The following ATP10B variants were observed in gnomAD, a reference collection of about 807,000 sequenced individuals.
ATP10B encodes phospholipid-transporting ATPase VB.
Under a neutral mutation model 141.2 loss-of-function variants are expected in ATP10B, and 122 were observed. The observed-to-expected ratio is 0.86, with a 90% CI of 0.75 to 1.00. ATP10B has a LOEUF of 1.00. ATP10B is among the 50% of genes least tolerant of loss of function. The pLI is 0.00. For missense variants in ATP10B, 1,876 were observed against 1,825.3 expected (o/e 1.03, Z -0.51); for synonymous variants, 685 against 692.0 (o/e 0.99, Z 0.16).
chr5:160,850,628 T>C (rs187288403), intron 1 of ATP10B, among the ~76,000 whole-genome samples: 11 of 152,278 alleles, frequency 7.2e-5, no homozygotes, highest in Admixed American at 7.2e-4. Context: ...ACTGGACTTA[T>C]CAGTATCACA....
intron 1 of ATP10B, among the ~76,000 whole-genome samples, chr5:160,789,219 G>A (rs1291414770): frequency 1.3e-5 from 2 of 152,146 alleles, no homozygotes; most frequent in African/African-American, 4.8e-5. Flanking sequence ...CCCTTTAGCA[G>A]TAGAAGTGGG....
At chr5:160,598,160 G>A (rs1756846856) in intron 22 of ATP10B, among the ~76,000 whole-genome samples, 1 of 151,262 alleles carries the variant, frequency 6.6e-6, no homozygotes, top group Non-Finnish European at 1.5e-5. Flanking sequence ...ATGATAGACT[G>A]GATTAAGAAA....
chr5:160,912,741 A>G, the ATP10B span, among the ~76,000 whole-genome samples: 1 of 152,202 alleles, frequency 6.6e-6, no homozygotes, highest in Admixed American at 6.5e-5. Flanking sequence ...AGAGAAAGAA[A>G]GAAAGAAAGA....
chr5:160,766,166 T>C (rs1485879871), intron 2 of ATP10B, among the ~76,000 whole-genome samples: 1 of 149,472 alleles, frequency 6.7e-6, no homozygotes, highest in African/African-American at 2.5e-5. Flanking sequence ...AGAACTAAAG[T>C]AGAACTACCA....
intron 6 of ATP10B, 32 bp downstream of exon 6, chr5:160,686,047 G>A (rs1353445555): frequency 1.3e-6 from 2 of 1,491,948 alleles, no homozygotes; most frequent in Non-Finnish European, 1.8e-6. Context: ...TAACCCATTT[G>A]CAAGAGAGAA....
chr5:160,599,344 A>G (rs1309654041), intron 21 of ATP10B, among the ~76,000 whole-genome samples: 1 of 152,230 alleles, frequency 6.6e-6, no homozygotes, highest in Non-Finnish European at 1.5e-5. Context: ...CCTATTGAGG[A>G]CATTAATTGA....
chr5:160,877,307 A>G, the ATP10B span, among the ~76,000 whole-genome samples: 3 of 144,294 alleles, frequency 2.1e-5, no homozygotes, highest in South Asian at 7.1e-4. Flanking sequence ...CAATAGATGC[A>G]GAAAAAGCCT....
the ATP10B span, among the ~76,000 whole-genome samples, chr5:160,875,323 C>G: frequency 8.3e-5 from 7 of 84,550 alleles, no homozygotes; most frequent in Admixed American, 3.5e-4. Flanking sequence ...ACTTTACAGA[C>G]AAGCAAATGC....
At chr5:160,574,408 G>T (rs1427487966) in intron 24 of ATP10B, among the ~76,000 whole-genome samples, 1 of 152,176 alleles carries the variant, frequency 6.6e-6, no homozygotes, top group Non-Finnish European at 1.5e-5. Flanking sequence ...ACTGAAGCCT[G>T]GGTGACAAGA....
At chr5:160,596,294 C>T (rs1359141008) in intron 22 of ATP10B, among the ~76,000 whole-genome samples, 8 of 152,214 alleles carry the variant, frequency 5.3e-5, no homozygotes, top group Middle Eastern at 3.4e-3. Context: ...ACAAAAACCA[C>T]GTGATTATCC....
At chr5:160,925,190 T>C in the ATP10B span, among the ~76,000 whole-genome samples, 1 of 152,232 alleles carries the variant, frequency 6.6e-6, no homozygotes. Flanking sequence ...TTCAAAGTTC[T>C]AATCCTGATT....
At chr5:160,684,211 T>C (rs1322213755) in intron 6 of ATP10B, among the ~76,000 whole-genome samples, 1 of 152,224 alleles carries the variant, frequency 6.6e-6, no homozygotes, top group Non-Finnish European at 1.5e-5. Flanking sequence ...AACGTTGGGT[T>C]TGACATTCTA....
intron 1 of ATP10B, among the ~76,000 whole-genome samples, chr5:160,805,039 G>A (rs1253428384): frequency 6.6e-6 from 1 of 152,174 alleles, no homozygotes; most frequent in African/African-American, 2.4e-5. Context: ...GTGCATACAT[G>A]GACCCGTGCA....
In ATP10B at chr5:160,837,339, G is replaced by A. The variant is rs192328644; in HGVS notation, c.-576+14602C>T. Among the ~76,000 whole-genome samples the A allele has an allele frequency of 1.5e-3, 225 of 152,276 alleles. 1 individual carries two copies. The highest frequency in any genetic ancestry group is 1.6e-3 in the Non-Finnish European group (107 of 68,012). Reference sequence around the variant, plus strand: ...TTCTCCACAAAATCATAAATGGCTTGAGGTCAAGGGATATATTTAATTCCT... The same window carrying A: ...TTCTCCACAAAATCATAAATGGCTTAAGGTCAAGGGATATATTTAATTCCT... On this transcript the variant is annotated intron_variant, in intron 1 of 25. Coordinates refer to ENST00000327245, the MANE Select transcript of ATP10B (RefSeq NM_025153.3).
At chr5:160,633,954 C>T (rs570226657) in intron 12 of ATP10B, 7 of 355,052 alleles carry the variant, frequency 2.0e-5, no homozygotes, top group African/African-American at 1.5e-4. Flanking sequence ...GACCATGCAC[C>T]TAGACACAGA....
In ATP10B at chr5:160,612,845, A is replaced by G; in HGVS notation, c.2734T>C (p.Trp912Arg). ...ATLREAGIQL[W>R]VLTGDKQETA... is the part of the protein sequence containing the mutation. ...TCCTGCTTATCTCCAGTCAGGACCC[A>G]GAGCTGGATCCCAGCCTCCCGCAGA... is the stretch of plus-strand genomic sequence containing the variant. The change falls in exon 18 of 26, where the codon TGG (tryptophan) becomes CGG (arginine). Residue 912 changes from tryptophan (W) to arginine (R), a missense_variant. By Grantham distance (101) the Trp-to-Arg change is moderately radical. Transcript: ENST00000327245. 1.2e-6 allele frequency: 2 copies of G among 1,614,158 alleles called. No homozygotes were observed. Among genetic ancestry groups the G allele is most frequent in the Non-Finnish European group, 1.7e-6 (2 of 1,180,006 alleles).
chr5:160,772,790 A>G (rs944486352), intron 2 of ATP10B, among the ~76,000 whole-genome samples: 1 of 152,148 alleles, frequency 6.6e-6, no homozygotes, highest in Non-Finnish European at 1.5e-5. Flanking sequence ...CTAAAAAGCC[A>G]GTCTTCCCTG....
intron 1 of ATP10B, among the ~76,000 whole-genome samples, chr5:160,794,021 A>G (rs187503233): frequency 7.2e-5 from 11 of 152,308 alleles, no homozygotes; most frequent in Admixed American, 3.3e-4. Flanking sequence ...TACAGGATAA[A>G]TTGTCTAAAA....
intron 3 of ATP10B, chr5:160,691,680 T>G (rs186509623): frequency 5.3e-5 from 8 of 152,334 alleles, no homozygotes; most frequent in African/African-American, 1.7e-4. Flanking sequence ...TAAATGGTAA[T>G]ATTTTACTTT....
Sources: allele counts gnomAD v4.1 joint callset (sites outside exome capture counted in the v4.1 genomes callset), GRCh38; gene constraint gnomAD v4.1.1; transcripts MANE v1.5; gene names NCBI Gene and HGNC (gene_info 2026-07-23, HGNC 2026-07-21).